EPM2AIP1: variants seen among roughly 807,000 people sequenced by gnomAD.
EPM2AIP1 encodes the protein EPM2A interacting protein 1, also known as EPM2A-interacting protein 1.
EPM2AIP1 carries 23 observed loss-of-function variants against 44.8 expected under a neutral mutation model. The ratio of observed to expected loss-of-function variants is 0.51; its 90% CI spans 0.37 to 0.73. The LOEUF (loss-of-function observed/expected upper bound fraction) is 0.73. Ranked by LOEUF, EPM2AIP1 falls within the 30% of genes least tolerant of loss-of-function variation. The pLI is 0.00. For missense variants in EPM2AIP1, 652 were observed against 743.9 expected (o/e 0.88, Z 1.44); for synonymous variants, 311 against 284.3 (o/e 1.09, Z -0.94).
In EPM2AIP1 at chr3:36,990,320, A is replaced by T. The variant is rs2080794837; in HGVS notation, c.*934T>A. ...GTGTTTACTTTAGGCAGGATTTTTT[A>T]AAATAAAGCAGCAATACCCACGCAG... On this transcript the variant is annotated 3_prime_UTR_variant, in exon 1 of 1. Coordinates refer to ENST00000322716, the MANE Select transcript of EPM2AIP1 (RefSeq NM_014805.4). 1.6e-6 allele frequency: 1 copy of T among 630,648 alleles called. No homozygotes were observed. The highest frequency in any genetic ancestry group is 2.0e-6 in the Non-Finnish European group (1 of 505,756). The allele number at this position is 630,648 out of a possible 1,614,324, so 39.1% of individuals were successfully genotyped here.
Position 36,990,534 on chromosome 3 carries a change from C to A in EPM2AIP1, c.*720G>T, listed in dbSNP as rs752257334. 8.2e-5 allele frequency: 81 copies of A among 985,256 alleles called. No individual in the cohort carries two copies. The highest frequency in any genetic ancestry group is 9.4e-5 in the Non-Finnish European group (78 of 829,802). The allele number at this position is 985,256 out of a possible 1,614,324, so 61.0% of individuals were successfully genotyped here. On this transcript the variant is annotated 3_prime_UTR_variant, in exon 1 of 1. Transcript: ENST00000322716. ...AATAGGCAAGCTGATAAAATAGCCC[C>A]CAGTTATTAAAAAAAAAATCCAAGG...
chr3:36,985,090 C>A lies in EPM2AIP1; in HGVS notation c.*6164G>T, dbSNP rs1201035242. ...CATAATGACCACAAGCTGGAAACAA[C>A]CTAAATTTCTATCAACGGTAGAATG... On this transcript the variant is annotated 3_prime_UTR_variant, in exon 1 of 1. Coordinates refer to ENST00000322716, the MANE Select transcript of EPM2AIP1 (RefSeq NM_014805.4). 2 of 152,088 alleles carry A rather than the reference C, an allele frequency of 1.3e-5. No individual in the cohort carries two copies. The highest frequency in any genetic ancestry group is 2.9e-5 in the Non-Finnish European group (2 of 68,016). 9.4% of individuals were successfully genotyped at this position (152,088 alleles called of 1,614,324 possible).
rs2080795705 is a variant in EPM2AIP1 at position 36,990,442 on chromosome 3, T to TC, written c.*811_*812insG. 2 of 920,840 alleles carry TC rather than the reference T, an allele frequency of 2.2e-6. No homozygotes were observed. The highest frequency in any genetic ancestry group is 4.5e-5 in the African/African-American group (2 of 44,568). 57.0% of individuals were successfully genotyped at this position (920,840 alleles called of 1,614,324 possible). ...GATAGGGCCAAACTTGTGTCTACAG[T>TC]AAAAAAAAAAAAAAAAAGAATTACT... is the stretch of plus-strand genomic sequence containing the variant. On this transcript the variant is annotated 3_prime_UTR_variant, in exon 1 of 1. Coordinates refer to ENST00000322716, the MANE Select transcript of EPM2AIP1 (RefSeq NM_014805.4).
At position 36,989,580 on chromosome 3, in the gene EPM2AIP1, C is replaced by T. The variant is rs1478400143; in HGVS notation, c.*1674G>A. 1 of 151,696 alleles carries T rather than the reference C, an allele frequency of 6.6e-6. No homozygotes were observed. The highest frequency in any genetic ancestry group is 1.5e-5 in the Non-Finnish European group (1 of 67,962). 9.4% of individuals were successfully genotyped at this position (151,696 alleles called of 1,614,324 possible). A position where few individuals can be genotyped will look rare whatever the true frequency, so the allele number is the denominator to read the frequency against. ...TCCTATCTAGTATTCTGTCAGTTTG[C>T]CCAGCTTGTACTTTTAATTTTGCTT... On this transcript the variant is annotated 3_prime_UTR_variant, in exon 1 of 1. Transcript: ENST00000322716.
In EPM2AIP1 at chr3:36,987,139, G is replaced by C. The variant is rs2080773874; in HGVS notation, c.*4115C>G. The C allele has an allele frequency of 6.6e-6, 1 of 152,530 alleles. No homozygotes were observed. The highest frequency in any genetic ancestry group is 1.5e-5 in the Non-Finnish European group (1 of 68,020). The allele number at this position is 152,530 out of a possible 1,614,324, so 9.4% of individuals were successfully genotyped here. A position where few individuals can be genotyped will look rare whatever the true frequency, so the allele number is the denominator to read the frequency against. ...ACATTCTGCAGGTGTAAAAACAAGT[G>C]AACTGAATATATAGTGACCAGAAGG... On this transcript the variant is annotated 3_prime_UTR_variant, in exon 1 of 1. Transcript: ENST00000322716.
At position 36,985,704 on chromosome 3, in the gene EPM2AIP1, C is replaced by T. The variant is rs1174862371; in HGVS notation, c.*5550G>A. The T allele has an allele frequency of 6.6e-6, 1 of 152,180 alleles. No individual in the cohort carries two copies. The highest frequency in any genetic ancestry group is 1.5e-5 in the Non-Finnish European group (1 of 68,038). 9.4% of individuals were successfully genotyped at this position (152,180 alleles called of 1,614,324 possible). On this transcript the variant is annotated 3_prime_UTR_variant, in exon 1 of 1. Transcript: ENST00000322716. ...GTATCTGCTTTGTCAGCCTGAGACC[C>T]AGAATGAAGGCAACTTAGAGCACAA... is the stretch of plus-strand genomic sequence containing the variant.
chr3:36,991,326 A>C lies in EPM2AIP1; in HGVS notation c.1752T>G (p.Phe584Leu), dbSNP rs1048185916. Reference sequence around the variant, plus strand: ...GCTCCATTTCAGTTGTGGCAACCCGAAACAGGGCTTGGAGATGCTCATCTG... The same window carrying C: ...GCTCCATTTCAGTTGTGGCAACCCGCAACAGGGCTTGGAGATGCTCATCTG... ...PLTDEHLQAL[F>L]RVATTEMEPG... is the part of the protein sequence containing the mutation. The change falls in exon 1 of 1, where the codon TTT becomes TTG. Residue 584 changes from phenylalanine (F) to leucine (L), a missense_variant. Transcript: ENST00000322716. The C allele has an allele frequency of 3.7e-6, 6 of 1,614,032 alleles. No homozygotes were observed. Among genetic ancestry groups the C allele is most frequent in the South Asian group, 2.2e-5 (2 of 91,080 alleles).
rs1575364945 is a variant in EPM2AIP1 at position 36,989,167 on chromosome 3, A to G, written c.*2087T>C. On this transcript the variant is annotated 3_prime_UTR_variant, in exon 1 of 1. Coordinates refer to ENST00000322716, the MANE Select transcript of EPM2AIP1 (RefSeq NM_014805.4). ...ATTTCACAAAATGTACAAGATTTCA[A>G]TATTTAAGGAACTGGGGTTAGAAAG... is the stretch of plus-strand genomic sequence containing the variant. The G allele has an allele frequency of 1.3e-5, 2 of 152,104 alleles. No individual in the cohort carries two copies. Among genetic ancestry groups the G allele is most frequent in the Admixed American group, 6.5e-5 (1 of 15,278 alleles). The allele number at this position is 152,104 out of a possible 1,614,324, so 9.4% of individuals were successfully genotyped here.
At position 36,988,441 on chromosome 3, in the gene EPM2AIP1, T is replaced by G. The variant is rs2080782025; in HGVS notation, c.*2813A>C. 6.6e-6 allele frequency: 1 copy of G among 152,056 alleles called. No individual in the cohort carries two copies. Among genetic ancestry groups the G allele is most frequent in the Non-Finnish European group, 1.5e-5 (1 of 67,998 alleles). The allele number at this position is 152,056 out of a possible 1,614,324, so 9.4% of individuals were successfully genotyped here. A position where few individuals can be genotyped will look rare whatever the true frequency, so the allele number is the denominator to read the frequency against. The stretch of plus-strand genomic sequence containing the variant: ...TAGTGCCTGAGACAGCAAAGAGCAT[T>G]TGTTAGCAATTAGATACATCAATTA... On this transcript the variant is annotated 3_prime_UTR_variant, in exon 1 of 1. Transcript: ENST00000322716.
rs994092418 is a variant in EPM2AIP1, at chr3:36,993,035, C to A, written c.43G>T (p.Ala15Ser). ...PKRSKMEVDE[A>S]LVFRPEWTQR... ...GTCCACTCGGGCCGGAAAACTAGAG[C>A]CTCGTCGACTTCCATCTTGCTTCTT... Residue 15 changes from alanine to serine, a missense_variant, in exon 1 of 1, where the codon GCT (alanine) becomes TCT (serine). Physicochemically the swap from Ala to Ser is moderately conservative, Grantham distance 99. Coordinates refer to ENST00000322716, the MANE Select transcript of EPM2AIP1 (RefSeq NM_014805.4). The A allele has an allele frequency of 1.2e-6, 2 of 1,611,448 alleles. No homozygotes were observed. The highest frequency in any genetic ancestry group is 2.7e-5 in the African/African-American group (2 of 75,000).
rs777089380 is a variant in EPM2AIP1 at position 36,992,066 on chromosome 3, G to T, written c.1012C>A (p.Leu338Met). 3 of 1,613,988 alleles carry T rather than the reference G, an allele frequency of 1.9e-6. No homozygotes were observed. The highest frequency in any genetic ancestry group is 2.5e-6 in the Non-Finnish European group (3 of 1,179,898). Residue 338 changes from leucine (L) to methionine (M), a missense_variant, in exon 1 of 1, where the codon CTG becomes ATG. Transcript: ENST00000322716. The surrounding 1 kb of genome is among the most constrained non-coding windows in gnomAD (Gnocchi z 5.3). ...EHGERVNGRC[L>M]NNWLRRGKTL... ...TTCCCTCTCCTAAGCCAATTGTTCA[G>T]ACATCGTCCATTAACCCTTTCACCA... is the stretch of plus-strand genomic sequence containing the variant.
At position 36,986,950 on chromosome 3, in the gene EPM2AIP1, C is replaced by G. The variant is rs1404516909; in HGVS notation, c.*4304G>C. On this transcript the variant is annotated 3_prime_UTR_variant, in exon 1 of 1. Transcript: ENST00000322716. ...AATTGGTCAAAATGGCTTAAGGAAA[C>G]AGACTAAGGGTGTGGCTTTCCCACC... 6.6e-6 allele frequency: 1 copy of G among 152,128 alleles called. No individual in the cohort carries two copies. The highest frequency in any genetic ancestry group is 1.5e-5 in the Non-Finnish European group (1 of 68,030). The allele number at this position is 152,128 out of a possible 1,614,324, so 9.4% of individuals were successfully genotyped here. A position where few individuals can be genotyped will look rare whatever the true frequency, so the allele number is the denominator to read the frequency against.
At position 36,992,514 on chromosome 3, in the gene EPM2AIP1, C is replaced by G. The variant is rs1405849978; in HGVS notation, c.564G>C (p.Glu188Asp). The G allele has an allele frequency of 2.5e-6, 4 of 1,614,008 alleles. No individual in the cohort carries two copies. Among genetic ancestry groups the G allele is most frequent in the Non-Finnish European group, 3.4e-6 (4 of 1,179,892 alleles). ...CGCGGATAAAGACCAGGAGGTAGTTCTCATAGGCCACAAAAGCCTGGTCGT... is the reference window on the plus strand; with the variant it reads ...CGCGGATAAAGACCAGGAGGTAGTTGTCATAGGCCACAAAAGCCTGGTCGT... Reference protein sequence around the residue: ...ALDDQAFVAYENYLLVFIRGV... With the variant: ...ALDDQAFVAYDNYLLVFIRGV... The change falls in exon 1 of 1, where the codon GAG (glutamate) becomes GAC (aspartate). Residue 188 changes from glutamate (E) to aspartate (D), a missense_variant. Glu to Asp is a conservative substitution (Grantham distance 45). Transcript: ENST00000322716. This position sits in a 1 kb window ranked among gnomAD's most constrained non-coding sequence, Gnocchi z 5.3.
At position 36,988,093 on chromosome 3, in the gene EPM2AIP1, A is replaced by G. The variant is rs1351710960; in HGVS notation, c.*3161T>C. On this transcript the variant is annotated 3_prime_UTR_variant, in exon 1 of 1. Coordinates refer to ENST00000322716, the MANE Select transcript of EPM2AIP1 (RefSeq NM_014805.4). ...TAGAGGGCATCAATGAAGGTTTCCT[A>G]GATGAAGTGGCATACTGAGACCTTA... 1 of 152,254 alleles carries G rather than the reference A, an allele frequency of 6.6e-6. No homozygotes were observed. The highest frequency in any genetic ancestry group is 1.9e-4 in the East Asian group (1 of 5,198). The allele number at this position is 152,254 out of a possible 1,614,324, so 9.4% of individuals were successfully genotyped here.
At position 36,992,736 on chromosome 3, in the gene EPM2AIP1, G is replaced by A. The variant is rs767440157; in HGVS notation, c.342C>T (p.Gly114=). 121 of 1,613,734 alleles carry A rather than the reference G, an allele frequency of 7.5e-5. No homozygotes were observed. Among genetic ancestry groups the A allele is most frequent in the Non-Finnish European group, 9.8e-5 (116 of 1,179,912 alleles). ...GGTATACAAAGTCCCCCTCACCCCA[G>A]CCGCGACCCTTCAAGGCCAAGAGGC... The part of the protein sequence containing the change: ...LCRLLALKGR[G]WGEGDFVYQC... Residue 114 remains glycine, a synonymous_variant, in exon 1 of 1, where the codon GGC becomes GGT. Coordinates refer to ENST00000322716, the MANE Select transcript of EPM2AIP1 (RefSeq NM_014805.4). The surrounding 1 kb of genome is among the most constrained non-coding windows in gnomAD (Gnocchi z 5.3).
rs555653342 is a variant in EPM2AIP1 at position 36,986,153 on chromosome 3, T to C, written c.*5101A>G. 1 of 152,300 alleles carries C rather than the reference T, an allele frequency of 6.6e-6. No homozygotes were observed. Among genetic ancestry groups the C allele is most frequent in the South Asian group, 2.1e-4 (1 of 4,822 alleles). The allele number at this position is 152,300 out of a possible 1,614,324, so 9.4% of individuals were successfully genotyped here. On this transcript the variant is annotated 3_prime_UTR_variant, in exon 1 of 1. Coordinates refer to ENST00000322716, the MANE Select transcript of EPM2AIP1 (RefSeq NM_014805.4). The stretch of plus-strand genomic sequence containing the variant: ...AATTGCTATCAGAAGATGGAAGAAA[T>C]AACTTACACAAGGGTAATTTATATT...
Position 36,988,583 on chromosome 3 carries a change from C to CA in EPM2AIP1, c.*2670dup, listed in dbSNP as rs1291448312. The CA allele has an allele frequency of 6.6e-6, 1 of 152,078 alleles. No homozygotes were observed. Among genetic ancestry groups the CA allele is most frequent in the Non-Finnish European group, 1.5e-5 (1 of 67,984 alleles). The allele number at this position is 152,078 out of a possible 1,614,324, so 9.4% of individuals were successfully genotyped here. On this transcript the variant is annotated 3_prime_UTR_variant, in exon 1 of 1. Coordinates refer to ENST00000322716, the MANE Select transcript of EPM2AIP1 (RefSeq NM_014805.4). ...TGACACAGAACAAGGCAGTCTAAAACAAATTTTTTTAAAAATACGAAGAAC... is the reference window on the plus strand; with the variant it reads ...TGACACAGAACAAGGCAGTCTAAAACAAAATTTTTTTAAAAATACGAAGAAC...
At position 36,991,500 on chromosome 3, in the gene EPM2AIP1, C is replaced by G. The variant is rs1226760086; in HGVS notation, c.1578G>C (p.Gly526=). 8 of 1,613,850 alleles carry G rather than the reference C, an allele frequency of 5.0e-6. No individual in the cohort carries two copies. The highest frequency in any genetic ancestry group is 6.8e-6 in the Non-Finnish European group (8 of 1,179,822). ...CAGCAGACAATCCAGCATAAAACTG[C>G]CCCAAGTCTTTGATTCTGTATTCAT... ...LWNEYRIKDL[G]QFYAGLSAES... Residue 526 remains glycine, a synonymous_variant, in exon 1 of 1, where the codon GGG becomes GGC. Transcript: ENST00000322716.
Position 36,988,334 on chromosome 3 carries a change from A to G in EPM2AIP1, c.*2920T>C, listed in dbSNP as rs974012470. 6 of 152,222 alleles carry G rather than the reference A, an allele frequency of 3.9e-5. No homozygotes were observed. The highest frequency in any genetic ancestry group is 1.4e-4 in the African/African-American group (6 of 41,456). The allele number at this position is 152,222 out of a possible 1,614,324, so 9.4% of individuals were successfully genotyped here. A position where few individuals can be genotyped will look rare whatever the true frequency, so the allele number is the denominator to read the frequency against. On this transcript the variant is annotated 3_prime_UTR_variant, in exon 1 of 1. Coordinates refer to ENST00000322716, the MANE Select transcript of EPM2AIP1 (RefSeq NM_014805.4). Reference sequence around the variant, plus strand: ...GGAGAATTGGTAAAAAGGACAAATGAATGGTTGGTAGTGGTAATGCCATTT... The same window carrying G: ...GGAGAATTGGTAAAAAGGACAAATGGATGGTTGGTAGTGGTAATGCCATTT...
Sources: allele counts gnomAD v4.1 joint callset, GRCh38; gene constraint gnomAD v4.1.1; non-coding constraint Gnocchi (gnomAD v3.1); transcripts MANE v1.5; gene names NCBI Gene and HGNC (gene_info 2026-07-23, HGNC 2026-07-21).